DRC1: variants seen among roughly 807,000 people sequenced by gnomAD.
DRC1 encodes dynein regulatory complex subunit 1, also known as dynein regulatory complex protein 1.
Under a neutral mutation model 98.7 loss-of-function variants are expected in DRC1, and 74 were observed. The observed-to-expected ratio is 0.75, with a 90% CI of 0.62 to 0.91. The LOEUF is 0.91. DRC1 is among the 40% of genes least tolerant of loss of function. The pLI, the probability that DRC1 is intolerant of heterozygous loss-of-function variation, is 0.00. For synonymous variants in DRC1, 336 were observed against 334.1 expected, an observed-to-expected ratio of 1.01 and a Z score of -0.06; for missense variants, 875 against 886.0, an observed-to-expected ratio of 0.99 and a Z score of 0.16.
chr2:26,449,894 G>A (rs1278060164), intron 11 of DRC1, 102 bp from the exon 12 acceptor site: 5 of 1,045,232 alleles, frequency 4.8e-6, no homozygotes, highest in Admixed American at 2.2e-5. Flanking sequence ...CGTCTGCTCC[G>A]TGGCATGGTC....
chr2:26,448,724 C>A lies in DRC1; in HGVS notation c.1430C>A (p.Pro477Gln). The A allele has an allele frequency of 6.2e-7, 1 of 1,614,240 alleles. No homozygotes were observed. The highest frequency in any genetic ancestry group is 8.5e-7 in the Non-Finnish European group (1 of 1,180,044). ...EEEAEEAAAE[P>Q]ESYLDLPKQI... ...GAGGCAGAAGAGGCCGCCGCGGAAC[C>A]AGAGTCCTACCTGGATTTGCCGAAG... The change falls in exon 11 of 17, where the codon CCA (proline) becomes CAA (glutamine). Residue 477 changes from proline (P) to glutamine (Q), a missense_variant. Physicochemically the swap from Pro to Gln is moderately conservative, Grantham distance 76. Coordinates refer to ENST00000288710, the MANE Select transcript of DRC1 (RefSeq NM_145038.5).
chr2:26,423,954 TATC>T (rs1663216128), intron 3 of DRC1, among the ~76,000 whole-genome samples: 1 of 152,194 alleles, frequency 6.6e-6, no homozygotes. Context: ...TGTTGTGTGT[TATC>T]ATCTTACTCA....
At position 26,454,622 on chromosome 2, in the gene DRC1, C is replaced by A; in HGVS notation, c.1920-25C>A. ...CCTGGGTAGTACCCAATGGACATGA[C>A]AATCACTGTGCTCTTGGCCTTCAGG... On this transcript the variant is annotated intron_variant, in intron 14 of 16. Coordinates refer to ENST00000288710, the MANE Select transcript of DRC1 (RefSeq NM_145038.5). This position sits in a 1 kb window ranked among gnomAD's most constrained non-coding sequence, Gnocchi z 5.2. 1.9e-6 allele frequency: 3 copies of A among 1,612,888 alleles called. No homozygotes were observed. The highest frequency in any genetic ancestry group is 2.5e-6 in the Non-Finnish European group (3 of 1,179,362).
Position 26,429,677 on chromosome 2 carries a change from C to G in DRC1, c.590C>G (p.Ser197Ter). Reference sequence around the variant, plus strand: ...TATGTGAAGGATTTGAAGAAACAGTCAGATGACATCTGCCTGCTTCTGGAG... The same window carrying G: ...TATGTGAAGGATTTGAAGAAACAGTGAGATGACATCTGCCTGCTTCTGGAG... ...DQYVKDLKKQ[S>*]DDICLLLERM... Residue 197 changes from serine (S) to a stop codon, truncating the protein, a stop_gained, in exon 5 of 17, where the codon TCA (serine) becomes TGA (stop). Transcript: ENST00000288710. LOFTEE classifies it high-confidence loss of function. The G allele has an allele frequency of 6.2e-7, 1 of 1,614,104 alleles. No individual in the cohort carries two copies. Among genetic ancestry groups the G allele is most frequent in the East Asian group, 2.2e-5 (1 of 44,886 alleles).
chr2:26,428,797 C>CA (rs201736344), intron 4 of DRC1, among the ~76,000 whole-genome samples: 1,615 of 141,630 alleles, frequency 0.011, 32 homozygotes, highest in East Asian at 0.08. Flanking sequence ...GACTCTGTCT[C>CA]AAAAAAAAAA....
In DRC1 at chr2:26,424,454, G is replaced by A; in HGVS notation, c.540G>A (p.Gln180=). The stretch of plus-strand genomic sequence containing the variant: ...ATAAACTCATCAGCGAGTTACAGCA[G>A]GCAAGAGGCCCGGGCCCTCCAGCCC... ...DKNKLISELQ[Q]ELKTKDDQYV... The change falls in exon 4 of 17, where the codon CAG becomes CAA. Residue 180 remains glutamine, a splice_region_variant and synonymous_variant. Coordinates refer to ENST00000288710, the MANE Select transcript of DRC1 (RefSeq NM_145038.5). 6.2e-7 allele frequency: 1 copy of A among 1,604,596 alleles called. No individual in the cohort carries two copies. The highest frequency in any genetic ancestry group is 8.5e-7 in the Non-Finnish European group (1 of 1,173,272).
chr2:26,421,192 A>C, intron 2 of DRC1, 96 bp from the exon 3 acceptor site: 1 of 1,060,898 alleles, frequency 9.4e-7, no homozygotes. Context: ...GCTTGAATGG[A>C]TAGAAGCTGC....
At chr2:26,451,245 C>T (rs1664000549) in intron 13 of DRC1, among the ~76,000 whole-genome samples, 2 of 152,070 alleles carry the variant, frequency 1.3e-5, no homozygotes, top group Admixed American at 6.5e-5. Flanking sequence ...TTTTCCTGCA[C>T]CCTCCCTCAA....
intron 6 of DRC1, 56 bp from the exon 7 acceptor site, chr2:26,431,828 A>G (rs564941795): frequency 2.9e-5 from 46 of 1,604,696 alleles, no homozygotes; most frequent in Admixed American, 3.4e-5. Context: ...CATCCGAAGG[A>G]TTGAGGTGGG....
chr2:26,421,421 C>T (rs1244763392), intron 3 of DRC1, 21 bp downstream of exon 3: 4 of 1,600,770 alleles, frequency 2.5e-6, no homozygotes, highest in Non-Finnish European at 3.4e-6. Context: ...TGCTACTCTG[C>T]AGCTGGTGGA....
intron 1 of DRC1, among the ~76,000 whole-genome samples, chr2:26,404,389 C>T (rs974965993): frequency 6.6e-6 from 1 of 152,096 alleles, no homozygotes; most frequent in African/African-American, 2.4e-5. Flanking sequence ...GAAAAGCATG[C>T]ATTTGGCCCA....
Position 26,453,562 on chromosome 2 carries a change from G to A in DRC1, c.1919+13G>A. On this transcript the variant is annotated intron_variant, in intron 14 of 16. Transcript: ENST00000288710. ...TGAAGAAGCCTAGGTGGGCTGCGGG[G>A]CTGGAAGGCTTGCCTGAGACCAGAA... is the stretch of plus-strand genomic sequence containing the variant. 1 of 1,610,004 alleles carries A rather than the reference G, an allele frequency of 6.2e-7. No homozygotes were observed. Among genetic ancestry groups the A allele is most frequent in the Non-Finnish European group, 8.5e-7 (1 of 1,177,520 alleles).
At chr2:26,451,722 G>A (rs1664012166) in intron 13 of DRC1, among the ~76,000 whole-genome samples, 1 of 152,124 alleles carries the variant, frequency 6.6e-6, no homozygotes, top group Non-Finnish European at 1.5e-5. Flanking sequence ...AAGAAAAAAA[G>A]AGCTGGCAGA....
chr2:26,455,278 T>G lies in DRC1; in HGVS notation c.2166+45T>G, dbSNP rs775989150. 12 of 1,581,252 alleles carry G rather than the reference T, an allele frequency of 7.6e-6. No homozygotes were observed. In the Admixed American group the frequency reaches 8.4e-5, roughly 11 times the overall value. On this transcript the variant is annotated intron_variant, in intron 16 of 16. Transcript: ENST00000288710. ...AAGGAGGGGCAGCGGGAGACACGGG[T>G]GGGGCAGGGGCACTGGAGCTGGGAT...
At chr2:26,410,398 A>G (rs1055392736) in intron 1 of DRC1, among the ~76,000 whole-genome samples, 5 of 151,402 alleles carry the variant, frequency 3.3e-5, no homozygotes, top group African/African-American at 1.2e-4. Context: ...TGGCCTCCCA[A>G]ATAGCTGGGA....
At position 26,456,471 on chromosome 2, in the gene DRC1, A is replaced by C. The variant is rs779006357; in HGVS notation, c.2177A>C (p.Glu726Ala). 1 of 1,614,160 alleles carries C rather than the reference A, an allele frequency of 6.2e-7. No homozygotes were observed. The highest frequency in any genetic ancestry group is 2.2e-5 in the East Asian group (1 of 44,878). Residue 726 changes from glutamate (E) to alanine (A), a missense_variant, in exon 17 of 17, where the codon GAA (glutamate) becomes GCA (alanine). Transcript: ENST00000288710. Reference sequence around the variant, plus strand: ...CCCTTTCTTTTCCAGATCAACTCTGAACTGCAAGTTCCTCCCACTCAGGTG... The same window carrying C: ...CCCTTTCTTTTCCAGATCAACTCTGCACTGCAAGTTCCTCCCACTCAGGTG... ...QQYLNSKINS[E>A]LQVPPTQVLR...
chr2:26,429,501 C>T, intron 4 of DRC1, 127 bp from the exon 5 acceptor site: 1 of 1,279,768 alleles, frequency 7.8e-7, no homozygotes, highest in Non-Finnish European at 1.1e-6. Flanking sequence ...CCACTGTGCG[C>T]AGCCCTCTTT....
At chr2:26,450,521 C>G in intron 12 of DRC1, 71 bp from the exon 13 acceptor site, 1 of 1,384,144 alleles carries the variant, frequency 7.2e-7, no homozygotes, top group East Asian at 2.4e-5. Flanking sequence ...AGGAGCTGAG[C>G]ATCTGTCAGC....
intron 2 of DRC1, among the ~76,000 whole-genome samples, chr2:26,420,288 G>T (rs1349305513): frequency 6.6e-6 from 1 of 152,122 alleles, no homozygotes; most frequent in African/African-American, 2.4e-5. Flanking sequence ...TACCTATTTT[G>T]GGAAGCCACA....
Sources: gnomAD v4.1 joint callset for allele counts (sites outside exome capture counted in the v4.1 genomes callset) on GRCh38, gnomAD v4.1.1 for gene constraint, Gnocchi (gnomAD v3.1) non-coding constraint, MANE v1.5 for transcripts, NCBI Gene and HGNC (gene_info 2026-07-23, HGNC 2026-07-21) for gene names.